NKAIN2: variants seen among roughly 807,000 people sequenced by gnomAD.
NKAIN2 encodes the protein sodium/potassium-transporting ATPase subunit beta-1-interacting protein 2.
In NKAIN2, 14 loss-of-function variants were observed where a neutral mutation model predicts 32.6. The ratio of observed to expected loss-of-function variants is 0.43; its 90% CI spans 0.28 to 0.67. The LOEUF is 0.67. Among genes scored for constraint, NKAIN2 ranks in the 30% least tolerant of loss-of-function variants. The probability of loss-of-function intolerance (pLI) is 0.17; values close to 1 mark genes in which losing one functional copy is unlikely to be tolerated. For missense variants in NKAIN2, 198 were observed against 258.3 expected, an observed-to-expected ratio of 0.77 and a Z score of 1.60; for synonymous variants, 80 against 87.2, an observed-to-expected ratio of 0.92 and a Z score of 0.46.
At chr6:124,350,913 C>G (rs905210160) in intron 2 of NKAIN2, among the ~76,000 whole-genome samples, 1 of 152,092 alleles carries the variant, frequency 6.6e-6, no homozygotes, top group African/African-American at 2.4e-5. Context: ...CACTAGAGTC[C>G]AGGAATTCAA....
At chr6:123,845,552 A>G (rs115132954) in intron 1 of NKAIN2, among the ~76,000 whole-genome samples, 11 of 152,348 alleles carry the variant, frequency 7.2e-5, no homozygotes, top group African/African-American at 2.6e-4. Flanking sequence ...TGAACAACAC[A>G]AATTTGAACT....
chr6:123,910,512 T>G (rs991083915), intron 1 of NKAIN2, among the ~76,000 whole-genome samples: 3 of 142,530 alleles, frequency 2.1e-5, no homozygotes, highest in African/African-American at 8.2e-5. Context: ...TTTTTTTTTT[T>G]TTTTTTTTTT....
intron 1 of NKAIN2, among the ~76,000 whole-genome samples, chr6:124,261,923 T>G (rs539586774): frequency 1.1e-4 from 16 of 152,118 alleles, no homozygotes; most frequent in Admixed American, 2.0e-4. Flanking sequence ...GCTTTGTTTT[T>G]TTCTCTTCAG....
At chr6:124,312,361 C>T (rs903460845) in intron 2 of NKAIN2, among the ~76,000 whole-genome samples, 1 of 152,158 alleles carries the variant, frequency 6.6e-6, no homozygotes, top group Non-Finnish European at 1.5e-5. Context: ...GACTCAGTCC[C>T]AGAAAACTGC....
chr6:124,496,198 C>G (rs917722335), intron 3 of NKAIN2, among the ~76,000 whole-genome samples: 1 of 152,112 alleles, frequency 6.6e-6, no homozygotes, highest in Non-Finnish European at 1.5e-5. Context: ...TTTACTCCCT[C>G]GTCAAATGTG....
chr6:123,852,634 G>C (rs1226200640), intron 1 of NKAIN2, among the ~76,000 whole-genome samples: 1 of 152,134 alleles, frequency 6.6e-6, no homozygotes, highest in Non-Finnish European at 1.5e-5. Context: ...ATGATGACTG[G>C]ATAAAGAAAA....
At chr6:124,099,666 A>G (rs1339352686) in intron 1 of NKAIN2, among the ~76,000 whole-genome samples, 1 of 152,220 alleles carries the variant, frequency 6.6e-6, no homozygotes, top group African/African-American at 2.4e-5. Context: ...GGAATGTTGC[A>G]TTCCAGGAGA....
chr6:124,502,873 A>G (rs184137493), intron 3 of NKAIN2, among the ~76,000 whole-genome samples: 2 of 152,258 alleles, frequency 1.3e-5, no homozygotes, highest in Admixed American at 6.5e-5. Context: ...TTTGTGCATC[A>G]TATCTGCTGA....
intron 1 of NKAIN2, among the ~76,000 whole-genome samples, chr6:124,130,690 A>G (rs764154128): frequency 6.6e-6 from 1 of 151,250 alleles, no homozygotes; most frequent in Admixed American, 6.6e-5. Context: ...GCTCGTTTTC[A>G]CTTTGTTTGA....
chr6:124,136,334 C>G (rs1031834575), intron 1 of NKAIN2, among the ~76,000 whole-genome samples: 3 of 152,062 alleles, frequency 2.0e-5, no homozygotes, highest in African/African-American at 7.2e-5. Context: ...CAACTCTGAA[C>G]AGACCGAGAA....
intron 4 of NKAIN2, among the ~76,000 whole-genome samples, chr6:124,671,759 T>G (rs1773111999): frequency 1.3e-5 from 2 of 152,066 alleles, no homozygotes; most frequent in African/African-American, 4.8e-5. Context: ...GGTTTTTTCT[T>G]GGATTTAAAA....
intron 1 of NKAIN2, among the ~76,000 whole-genome samples, chr6:124,004,362 A>T (rs73773037): frequency 0.027 from 4,063 of 152,166 alleles, 108 homozygotes; most frequent in African/African-American, 0.071. Context: ...TTTATGAGAA[A>T]GAATATAACT....
At chr6:124,805,727 G>C (rs1049204200) in intron 5 of NKAIN2, among the ~76,000 whole-genome samples, 2 of 152,136 alleles carry the variant, frequency 1.3e-5, no homozygotes, top group African/African-American at 4.8e-5. Context: ...AGGCAAAGAA[G>C]TTAAAAACAT....
chr6:124,111,619 G>A (rs1201567803), intron 1 of NKAIN2, among the ~76,000 whole-genome samples: 2 of 151,398 alleles, frequency 1.3e-5, no homozygotes, highest in Non-Finnish European at 2.9e-5. Context: ...TTTTTAATCT[G>A]TTCAGTCACT....
chr6:124,217,163 TTAAA>T (rs1582865775), intron 1 of NKAIN2, among the ~76,000 whole-genome samples: 1 of 152,184 alleles, frequency 6.6e-6, no homozygotes, highest in East Asian at 1.9e-4. Context: ...AATTTTGAAG[TTAAA>T]TAAGTAGGAA....
chr6:123,950,473 A>G (rs942617803), intron 1 of NKAIN2, among the ~76,000 whole-genome samples: 2 of 151,850 alleles, frequency 1.3e-5, no homozygotes, highest in African/African-American at 4.8e-5. Context: ...CTGACAGTCT[A>G]ATTACTCATT....
intron 1 of NKAIN2, among the ~76,000 whole-genome samples, chr6:123,978,502 A>G (rs1778744540): frequency 6.6e-6 from 1 of 152,204 alleles, no homozygotes; most frequent in Non-Finnish European, 1.5e-5. Flanking sequence ...AGAGTCAGTG[A>G]TAATCCTAAC....
chr6:124,439,173 C>T (rs1484753533), intron 3 of NKAIN2, among the ~76,000 whole-genome samples: 2 of 152,100 alleles, frequency 1.3e-5, no homozygotes, highest in Non-Finnish European at 2.9e-5. Context: ...ATTACGCTTC[C>T]GCTCTAAAGA....
intron 3 of NKAIN2, among the ~76,000 whole-genome samples, chr6:124,472,821 A>G (rs1308609781): frequency 3.3e-5 from 5 of 152,032 alleles, no homozygotes; most frequent in Non-Finnish European, 5.9e-5. Context: ...GATGTACATA[A>G]TTCTAAATAT....
Sources: allele counts gnomAD v4.1 joint callset (sites outside exome capture counted in the v4.1 genomes callset), GRCh38; gene constraint gnomAD v4.1.1; transcripts MANE v1.5; gene names NCBI Gene and HGNC (gene_info 2026-07-23, HGNC 2026-07-21).